The following AMBN variants were observed in gnomAD, a reference collection of about 807,000 sequenced individuals.
AMBN encodes ameloblastin.
Under a neutral mutation model 48.0 loss-of-function variants are expected in AMBN, and 54 were observed. The ratio of observed to expected loss-of-function variants is 1.12; its 90% CI spans 0.90 to 1.41. The LOEUF is 1.41. Ranked by LOEUF, AMBN falls within the 40% of genes most tolerant of loss-of-function variation. AMBN has a pLI of 0.00. For synonymous variants in AMBN, 186 were observed against 190.0 expected (o/e 0.98, Z 0.17); for missense variants, 571 against 547.3 (o/e 1.04, Z -0.43).
chr4:70,603,343 C>T (rs1211877761), intron 10 of AMBN, 24 bp downstream of exon 10: 2 of 1,613,082 alleles, frequency 1.2e-6, no homozygotes, highest in Non-Finnish European at 1.7e-6. Context: ...AATACCACAT[C>T]TCTGTTTGCA....
chr4:70,598,322 C>G (rs776396880), intron 3 of AMBN, 34 bp from the exon 4 acceptor site: 1 of 1,521,068 alleles, frequency 6.6e-7, no homozygotes, highest in Admixed American at 1.9e-5. Flanking sequence ...ACAGCATATG[C>G]GATAAACAGT....
intron 12 of AMBN, among the ~76,000 whole-genome samples, chr4:70,604,904 A>T (rs1411342017): frequency 4.6e-5 from 7 of 151,966 alleles, no homozygotes; most frequent in Non-Finnish European, 1.0e-4. Flanking sequence ...GAGGCAGGAG[A>T]ATCACTCGAA....
chr4:70,600,694 A>C (rs927392491), intron 5 of AMBN, among the ~76,000 whole-genome samples: 1 of 152,226 alleles, frequency 6.6e-6, no homozygotes, highest in South Asian at 2.1e-4. Context: ...AATTTCTACA[A>C]GAAGTAACAA....
In AMBN at chr4:70,603,834, G is replaced by A. The variant is rs759994492; in HGVS notation, c.754-43G>A. The A allele has an allele frequency of 1.9e-6, 3 of 1,606,264 alleles. No homozygotes were observed. In the South Asian group the frequency reaches 3.3e-5, roughly 18 times the overall value. ...TAACTTTGTCTTGAGTAGATAAGAA[G>A]GTAGCTGGTTCGTAATTTGACGCAA... On this transcript the variant is annotated intron_variant, in intron 11 of 12. Coordinates refer to ENST00000322937, the MANE Select transcript of AMBN (RefSeq NM_016519.6).
intron 12 of AMBN, among the ~76,000 whole-genome samples, chr4:70,604,593 A>C (rs1737598198): frequency 6.6e-6 from 1 of 152,236 alleles, no homozygotes; most frequent in Non-Finnish European, 1.5e-5. Flanking sequence ...CAAGTTAACA[A>C]ACACACACAC....
At position 70,606,918 on chromosome 4, in the gene AMBN, A is replaced by G; in HGVS notation, c.*188A>G. 2 of 623,596 alleles carry G rather than the reference A, an allele frequency of 3.2e-6. No homozygotes were observed. The highest frequency in any genetic ancestry group is 5.4e-6 in the Non-Finnish European group (2 of 370,458). The allele number at this position is 623,596 out of a possible 1,614,324, so 38.6% of individuals were successfully genotyped here. A position where few individuals can be genotyped will look rare whatever the true frequency, so the allele number is the denominator to read the frequency against. On this transcript the variant is annotated 3_prime_UTR_variant, in exon 13 of 13. Coordinates refer to ENST00000322937, the MANE Select transcript of AMBN (RefSeq NM_016519.6). Reference sequence around the variant, plus strand: ...CTTCTTGCTTTCAATATCTTGTTGAAATAAAATGTGTCAATTGTCTCTGTG... The same window carrying G: ...CTTCTTGCTTTCAATATCTTGTTGAGATAAAATGTGTCAATTGTCTCTGTG...
At position 70,606,227 on chromosome 4, in the gene AMBN, G is replaced by T; in HGVS notation, c.841G>T (p.Gly281Ter). 1 of 1,614,112 alleles carries T rather than the reference G, an allele frequency of 6.2e-7. No individual in the cohort carries two copies. Among genetic ancestry groups the T allele is most frequent in the Non-Finnish European group, 8.5e-7 (1 of 1,180,000 alleles). ...AATGGCCTATGGAGCCATGTTTCCA[G>T]GATTTGGAGGCATGAGGCCCGGCTT... is the stretch of plus-strand genomic sequence containing the variant. Reference protein sequence around the residue: ...DPMAYGAMFPGFGGMRPGFEG... With the variant: ...DPMAYGAMFP The change falls in exon 13 of 13, where the codon GGA becomes TGA. Residue 281 changes from glycine to a stop codon, truncating the protein, a stop_gained. Coordinates refer to ENST00000322937, the MANE Select transcript of AMBN (RefSeq NM_016519.6). LOFTEE classifies it low-confidence loss of function (END_TRUNC).
intron 2 of AMBN, among the ~76,000 whole-genome samples, chr4:70,594,650 C>A (rs1737350638): frequency 6.6e-6 from 1 of 152,160 alleles, no homozygotes; most frequent in Admixed American, 6.5e-5. Flanking sequence ...AAAATAGTCT[C>A]TGTTCCATCA....
chr4:70,596,745 A>T (rs774863048), intron 2 of AMBN, among the ~76,000 whole-genome samples: 15 of 152,332 alleles, frequency 9.8e-5, no homozygotes, highest in Non-Finnish European at 1.8e-4. Context: ...TTGCTTTTAA[A>T]GCAATGAAGC....
chr4:70,601,890 A>C, intron 6 of AMBN: 1 of 625,318 alleles, frequency 1.6e-6, no homozygotes, highest in Non-Finnish European at 3.0e-6. Context: ...TGCCTATAAA[A>C]CTGGGTTTCT....
intron 6 of AMBN, among the ~76,000 whole-genome samples, chr4:70,602,263 C>T (rs1215817298): frequency 6.6e-6 from 1 of 152,090 alleles, no homozygotes; most frequent in Non-Finnish European, 1.5e-5. Flanking sequence ...ACAAAATTTG[C>T]CCAGGAGTAC....
At chr4:70,598,487 A>G in intron 4 of AMBN, 84 bp downstream of exon 4, 1 of 1,114,354 alleles carries the variant, frequency 9.0e-7, no homozygotes, top group Non-Finnish European at 1.3e-6. Flanking sequence ...AAATTTATTT[A>G]TGAATAGACA....
chr4:70,597,227 T>G (rs546183974), intron 3 of AMBN, among the ~76,000 whole-genome samples, 178 bp downstream of exon 3: 4 of 152,314 alleles, frequency 2.6e-5, no homozygotes, highest in South Asian at 4.1e-4. Context: ...CTACTGCAGT[T>G]TTAAACTCTC....
intron 2 of AMBN, 89 bp downstream of exon 2, chr4:70,593,484 G>A (rs1324083256): frequency 2.7e-5 from 29 of 1,078,194 alleles, no homozygotes; most frequent in East Asian, 4.8e-5. Context: ...GAGAGTCCAC[G>A]CATAGACTCA....
chr4:70,594,279 T>A (rs984959734), intron 2 of AMBN, among the ~76,000 whole-genome samples: 3 of 152,202 alleles, frequency 2.0e-5, no homozygotes, highest in African/African-American at 7.2e-5. Context: ...TGATCCATTC[T>A]AGTATATATT....
rs758171789 is a variant in AMBN, at chr4:70,606,565, T to C, written c.1179T>C (p.Asp393=). 1 of 1,614,128 alleles carries C rather than the reference T, an allele frequency of 6.2e-7. No individual in the cohort carries two copies. Among genetic ancestry groups the C allele is most frequent in the East Asian group, 2.2e-5 (1 of 44,868 alleles). The stretch of plus-strand genomic sequence containing the variant: ...CACTGATGACCCCTGAATTAGCTGA[T>C]GTTTATAGGACCTACGATGCTGACA... ...ADPLMTPELA[D]VYRTYDADMT... Residue 393 remains aspartate, a synonymous_variant, in exon 13 of 13, where the codon GAT becomes GAC. Coordinates refer to ENST00000322937, the MANE Select transcript of AMBN (RefSeq NM_016519.6).
chr4:70,599,179 A>C (rs1267527612), intron 4 of AMBN, among the ~76,000 whole-genome samples: 1 of 152,126 alleles, frequency 6.6e-6, no homozygotes, highest in Non-Finnish European at 1.5e-5. Flanking sequence ...GCAGTGGCTC[A>C]CGCCTGTAAT....
At position 70,606,928 on chromosome 4, in the gene AMBN, G is replaced by GTCAATTGTC; in HGVS notation, c.*201_*209dup. On this transcript the variant is annotated 3_prime_UTR_variant, in exon 13 of 13. Coordinates refer to ENST00000322937, the MANE Select transcript of AMBN (RefSeq NM_016519.6). ...TCAATATCTTGTTGAAATAAAATGT[G>GTCAATTGTC]TCAATTGTCTCTGTGATTTAGAAAC... 1.7e-6 allele frequency: 1 copy of GTCAATTGTC among 595,510 alleles called. No homozygotes were observed. Among genetic ancestry groups the GTCAATTGTC allele is most frequent in the Non-Finnish European group, 2.9e-6 (1 of 349,270 alleles). The allele number at this position is 595,510 out of a possible 1,614,324, so 36.9% of individuals were successfully genotyped here.
At chr4:70,598,302 T>C in intron 3 of AMBN, 54 bp from the exon 4 acceptor site, 3 of 1,264,746 alleles carry the variant, frequency 2.4e-6, no homozygotes, top group Non-Finnish European at 3.2e-6. Context: ...AGAAATCAGT[T>C]GTGTCAAACA....
Sources: gnomAD v4.1 joint callset for allele counts (sites outside exome capture counted in the v4.1 genomes callset) on GRCh38, gnomAD v4.1.1 for gene constraint, MANE v1.5 for transcripts, NCBI Gene and HGNC (gene_info 2026-07-23, HGNC 2026-07-21) for gene names.